PSMA1: variants seen among roughly 807,000 people sequenced by gnomAD.
PSMA1 encodes the protein proteasome 20S subunit alpha 1, also known as proteasome subunit alpha type-1.
In PSMA1, 3 loss-of-function variants were observed where a neutral mutation model predicts 38.4. The observed-to-expected ratio is 0.08, with a 90% CI of 0.04 to 0.20. PSMA1 has a LOEUF of 0.20. PSMA1 is among the 10% of genes least tolerant of loss of function. The pLI is 1.00. For missense variants in PSMA1, 227 were observed against 325.3 expected (o/e 0.70, Z 2.32); for synonymous variants, 101 against 107.1 (o/e 0.94, Z 0.35).
At chr11:14,520,600 C>G, upstream of PSMA1, 1 of 786,928 alleles carries the variant, frequency 1.3e-6, no homozygotes, top group Non-Finnish European at 1.9e-6. Context: ...CGTAGCCCTT[C>G]TAGGTTCCTG....
intron 2 of PSMA1, among the ~76,000 whole-genome samples, chr11:14,547,906 C>G (rs1357186437): frequency 2.0e-5 from 3 of 152,010 alleles, no homozygotes; most frequent in African/African-American, 7.3e-5. Context: ...TAACTTGAAC[C>G]TGCAAATGGG....
intron 1 of PSMA1, among the ~76,000 whole-genome samples, chr11:14,616,910 T>A (rs1036763605): frequency 1.3e-5 from 2 of 152,174 alleles, no homozygotes; most frequent in Non-Finnish European, 2.9e-5. Context: ...ACACATTTAG[T>A]ACAGATTAAA....
intron 4 of PSMA1, 92 bp from the exon 5 acceptor site, chr11:14,514,583 C>T (rs935848728): frequency 3.1e-5 from 30 of 980,532 alleles, no homozygotes; most frequent in Middle Eastern, 6.5e-4. Context: ...TTCTTCCAAG[C>T]GTTTACATGG....
intron 2 of PSMA1, among the ~76,000 whole-genome samples, chr11:14,587,143 T>A (rs555717349): frequency 1.3e-5 from 2 of 152,236 alleles, no homozygotes; most frequent in Non-Finnish European, 2.9e-5. Flanking sequence ...TAGTCTCAGA[T>A]CCATTCCCAC....
intron 2 of PSMA1, among the ~76,000 whole-genome samples, chr11:14,537,290 G>A (rs573164211): frequency 1.3e-5 from 2 of 152,102 alleles, no homozygotes; most frequent in South Asian, 4.1e-4. Context: ...CACCACCCTC[G>A]CCCAGAAAAA....
At chr11:14,625,384 T>G (rs7124343) in intron 1 of PSMA1, among the ~76,000 whole-genome samples, 70,031 of 151,928 alleles carry the variant, frequency 0.46, 16,143 homozygotes, top group East Asian at 0.53. Flanking sequence ...GGAGGCAAAG[T>G]TTGCAGTGAG....
At chr11:14,640,487 CT>C (rs1236385203) in intron 1 of PSMA1, among the ~76,000 whole-genome samples, 1 of 152,132 alleles carries the variant, frequency 6.6e-6, no homozygotes, top group Non-Finnish European at 1.5e-5. Context: ...TCTGAAGGAC[CT>C]GTTATAGTTT....
At chr11:14,593,752 T>C (rs941622805) in intron 2 of PSMA1, among the ~76,000 whole-genome samples, 2 of 152,112 alleles carry the variant, frequency 1.3e-5, no homozygotes, top group African/African-American at 4.8e-5. Context: ...TATGTGGTCC[T>C]GGGTAAGGCA....
At chr11:14,548,519 C>T (rs975725623) in intron 2 of PSMA1, among the ~76,000 whole-genome samples, 7 of 152,178 alleles carry the variant, frequency 4.6e-5, no homozygotes, top group African/African-American at 1.7e-4. Flanking sequence ...TACTGGTGTA[C>T]AAGTATCAAG....
intron 1 of PSMA1, among the ~76,000 whole-genome samples, chr11:14,617,746 G>A (rs1030429212): frequency 6.6e-6 from 1 of 151,104 alleles, no homozygotes; most frequent in Non-Finnish European, 1.5e-5. Context: ...AAGTGAGCTG[G>A]ACAAGCTGAA....
intron 8 of PSMA1, 47 bp downstream of exon 8, chr11:14,510,825 T>G: frequency 7.3e-7 from 1 of 1,377,522 alleles, no homozygotes; most frequent in Non-Finnish European, 1.0e-6. Flanking sequence ...GCAATAAAGG[T>G]TTAAACTGTA....
At chr11:14,584,020 A>C (rs1852311521) in intron 2 of PSMA1, among the ~76,000 whole-genome samples, 1 of 152,230 alleles carries the variant, frequency 6.6e-6, no homozygotes, top group Admixed American at 6.5e-5. Flanking sequence ...CCCCCTGGAC[A>C]CAGCAAATAA....
intron 1 of PSMA1, among the ~76,000 whole-genome samples, chr11:14,642,337 C>A (rs1372299570): frequency 6.9e-6 from 1 of 145,596 alleles, no homozygotes; most frequent in Non-Finnish European, 1.5e-5. Flanking sequence ...CTGAAATGAG[C>A]ATTTTTTTTC....
intron 2 of PSMA1, among the ~76,000 whole-genome samples, chr11:14,535,780 AT>A (rs902463366): frequency 6.6e-6 from 1 of 151,820 alleles, no homozygotes; most frequent in Admixed American, 6.6e-5. Context: ...TTTTATTTGG[AT>A]TTTTTTTATT....
rs1395089516 is a variant in PSMA1 at position 14,505,066 on chromosome 11, C to A, written c.*126G>T. ...TGCTTGGAAAAAACTCACATCTGGACTGATTCCTAAAACATAGCATTCCAC... is the reference window on the plus strand; with the variant it reads ...TGCTTGGAAAAAACTCACATCTGGAATGATTCCTAAAACATAGCATTCCAC... On this transcript the variant is annotated 3_prime_UTR_variant, in exon 10 of 10. Transcript: ENST00000396394. The A allele has an allele frequency of 5.7e-6, 5 of 871,918 alleles. No individual in the cohort carries two copies. Among genetic ancestry groups the A allele is most frequent in the Non-Finnish European group, 9.7e-6 (5 of 518,078 alleles). 54.0% of individuals were successfully genotyped at this position (871,918 alleles called of 1,614,324 possible). A position where few individuals can be genotyped will look rare whatever the true frequency, so the allele number is the denominator to read the frequency against.
intron 2 of PSMA1, among the ~76,000 whole-genome samples, chr11:14,569,667 G>A (rs1482218422): frequency 6.6e-6 from 1 of 152,166 alleles, no homozygotes; most frequent in Non-Finnish European, 1.5e-5. Flanking sequence ...GAGGAGGTGC[G>A]TCTGCCATTG....
chr11:14,512,196 GA>G (rs1215858722), intron 7 of PSMA1, among the ~76,000 whole-genome samples: 4 of 152,254 alleles, frequency 2.6e-5, no homozygotes, highest in Admixed American at 6.5e-5. Context: ...CCAACATGGA[GA>G]AACCCCGTCT....
rs1011757093 is a variant in PSMA1, at chr11:14,571,501, T to G, written c.21+39465A>C. Among the ~76,000 whole-genome samples, 11 of 151,824 alleles carry G rather than the reference T, an allele frequency of 7.2e-5. No homozygotes were observed. The South Asian group carries it at 2.1e-3, about 29-fold the overall frequency. ...CGTCACCAGGCCTGCCTTATAAGAG[T>G]TCCTGAAGGAAGCATTAAACATGGA... On this transcript the variant is annotated intron_variant, in intron 2 of 10. Coordinates refer to the PSMA1 transcript ENST00000418988.
intron 1 of PSMA1, among the ~76,000 whole-genome samples, chr11:14,632,417 C>T (rs1460718819): frequency 2.1e-5 from 3 of 144,308 alleles, no homozygotes; most frequent in African/African-American, 7.9e-5. Flanking sequence ...ATTTCTCCTT[C>T]ACTTATGAAG....
Sources: allele counts gnomAD v4.1 joint callset (sites outside exome capture counted in the v4.1 genomes callset), GRCh38; gene constraint gnomAD v4.1.1; transcripts MANE v1.5; gene names NCBI Gene and HGNC (gene_info 2026-07-23, HGNC 2026-07-21).